The following MCF2L2 variants were observed in gnomAD, a reference collection of about 807,000 sequenced individuals.
MCF2L2 encodes the protein MCF.2 cell line derived transforming sequence-like 2.
In MCF2L2, 102 loss-of-function variants were observed where a neutral mutation model predicts 150.2. The observed-to-expected ratio is 0.68, with a 90% CI of 0.58 to 0.80. The LOEUF is 0.80. Ranked by LOEUF, MCF2L2 falls within the 30% of genes least tolerant of loss-of-function variation. The probability of loss-of-function intolerance (pLI) is 0.00; values close to 1 mark genes in which losing one functional copy is unlikely to be tolerated. For missense variants in MCF2L2, 1,256 were observed against 1,372.8 expected, an observed-to-expected ratio of 0.91 and a Z score of 1.34; for synonymous variants, 465 against 491.3, an observed-to-expected ratio of 0.95 and a Z score of 0.71.
At chr3:183,218,190 T>A (rs1723013404) in intron 21 of MCF2L2, among the ~76,000 whole-genome samples, 1 of 152,158 alleles carries the variant, frequency 6.6e-6, no homozygotes, top group Non-Finnish European at 1.5e-5. Flanking sequence ...GAGACATGAG[T>A]GACAGGGCTG....
At chr3:183,420,054 CA>C (rs1038509864) in intron 1 of MCF2L2, among the ~76,000 whole-genome samples, 63 of 152,162 alleles carry the variant, frequency 4.1e-4, no homozygotes, top group Non-Finnish European at 8.2e-4. Context: ...TCCTCATCTC[CA>C]TCTGAGACCA....
At chr3:183,262,493 G>A (rs1330734941) in intron 15 of MCF2L2, among the ~76,000 whole-genome samples, 1 of 151,984 alleles carries the variant, frequency 6.6e-6, no homozygotes, top group African/African-American at 2.4e-5. Context: ...ATATTATACT[G>A]ACTACGGAGT....
Position 183,267,106 on chromosome 3 carries a change from A to G in MCF2L2, c.1862+9766T>C, listed in dbSNP as rs1281492129. Among the ~76,000 whole-genome samples, 4 of 152,184 alleles carry G rather than the reference A, an allele frequency of 2.6e-5. No individual in the cohort carries two copies. The highest frequency in any genetic ancestry group is 9.6e-5 in the African/African-American group (4 of 41,454). ...CGGCCTTCAGCCTTTGTGATATTAA[A>G]GCACAGCAACACATTTCCCATTACA... On this transcript the variant is annotated intron_variant, in intron 15 of 29. Coordinates refer to ENST00000328913, the MANE Select transcript of MCF2L2 (RefSeq NM_015078.4). The surrounding 1 kb of genome is among the most constrained non-coding windows in gnomAD (Gnocchi z 5.5).
chr3:183,207,466 A>G (rs1193906700), intron 23 of MCF2L2, 142 bp downstream of exon 23: 2 of 655,788 alleles, frequency 3.0e-6, no homozygotes, highest in Non-Finnish European at 5.3e-6. Flanking sequence ...AGACCCGGCT[A>G]TGGATTCTAG....
chr3:183,396,728 CAATAAT>C (rs547435658), intron 1 of MCF2L2, among the ~76,000 whole-genome samples: 7 of 151,830 alleles, frequency 4.6e-5, no homozygotes, highest in Non-Finnish European at 7.4e-5. Flanking sequence ...GTGGACAAAA[CAATAAT>C]AATAATTATT....
intron 1 of MCF2L2, among the ~76,000 whole-genome samples, chr3:183,424,957 T>C (rs1716083757): frequency 1.3e-5 from 2 of 152,132 alleles, no homozygotes; most frequent in Non-Finnish European, 1.5e-5. Context: ...TAGAACTTTA[T>C]AGGCCAAACA....
At chr3:183,211,486 G>A (rs73886281) in intron 22 of MCF2L2, among the ~76,000 whole-genome samples, 4,134 of 152,260 alleles carry the variant, frequency 0.027, 194 homozygotes, top group African/African-American at 0.093. Context: ...CCCAAGGTCC[G>A]ATCTCCAGCG....
intron 15 of MCF2L2, among the ~76,000 whole-genome samples, chr3:183,242,880 C>G (rs929017448): frequency 6.6e-6 from 1 of 152,250 alleles, no homozygotes; most frequent in East Asian, 1.9e-4. Flanking sequence ...TGCAAAGCCA[C>G]AGGGGCAGAG....
intron 14 of MCF2L2, among the ~76,000 whole-genome samples, chr3:183,285,850 T>C (rs1727760696): frequency 6.6e-6 from 1 of 152,206 alleles, no homozygotes; most frequent in Non-Finnish European, 1.5e-5. Context: ...GAAAAAGAAA[T>C]TGTCAGCCTC....
intron 16 of MCF2L2, 116 bp downstream of exon 16, chr3:183,230,835 C>T: frequency 4.2e-6 from 3 of 721,940 alleles, no homozygotes; most frequent in South Asian, 3.6e-5. Context: ...ATTCTAAGAC[C>T]TGAAACCTTG....
At chr3:183,217,861 T>A (rs1560348383) in intron 21 of MCF2L2, among the ~76,000 whole-genome samples, 1 of 152,176 alleles carries the variant, frequency 6.6e-6, no homozygotes, top group Non-Finnish European at 1.5e-5. Flanking sequence ...AATGTTCCAA[T>A]TACAACCACA....
chr3:183,179,591 G>A lies in MCF2L2; in HGVS notation c.3207C>T (p.Arg1069=). The A allele has an allele frequency of 6.2e-7, 1 of 1,614,042 alleles. No individual in the cohort carries two copies. The highest frequency in any genetic ancestry group is 8.5e-7 in the Non-Finnish European group (1 of 1,179,950). ...GESSQGEKEE[R]DEEETATRST... is the part of the protein sequence containing the mutation. ...CTCACACTCACGTTTCCTCCTCATC[G>A]CGTTCTTCTTTTTCTCCCTGGCTGC... Residue 1069 remains arginine (R), a synonymous_variant, in exon 29 of 30, where the codon CGC becomes CGT. Transcript: ENST00000328913. The surrounding 1 kb of genome is among the most constrained non-coding windows in gnomAD (Gnocchi z 4.2).
chr3:183,272,502 T>C (rs1726863553), intron 15 of MCF2L2: 1 of 996,202 alleles, frequency 1.0e-6, no homozygotes, highest in Admixed American at 6.1e-5. Flanking sequence ...GGTAGCTTTT[T>C]AATGTTTACA....
At chr3:183,361,887 G>C (rs1038372924) in intron 3 of MCF2L2, among the ~76,000 whole-genome samples, 2 of 152,208 alleles carry the variant, frequency 1.3e-5, no homozygotes, top group Non-Finnish European at 2.9e-5. Flanking sequence ...ATGGGTGGCT[G>C]AGAGAGTGAC....
chr3:183,340,967 A>C (rs770122881), intron 4 of MCF2L2, among the ~76,000 whole-genome samples: 5 of 152,228 alleles, frequency 3.3e-5, no homozygotes, highest in South Asian at 2.1e-4. Flanking sequence ...TACTGAAATA[A>C]TAAATACTGT....
intron 1 of MCF2L2, among the ~76,000 whole-genome samples, chr3:183,402,763 T>C (rs1714837458): frequency 6.6e-6 from 1 of 151,524 alleles, no homozygotes; most frequent in South Asian, 2.1e-4. Context: ...GATTATAAAT[T>C]CAAAAATAAC....
intron 3 of MCF2L2, among the ~76,000 whole-genome samples, chr3:183,360,997 A>G: frequency 1.4e-5 from 2 of 138,948 alleles, no homozygotes; most frequent in African/African-American, 6.6e-5. Flanking sequence ...AGAAAAGAAA[A>G]GAAAAGAAAA....
chr3:183,347,542 A>G (rs1730949641), intron 3 of MCF2L2, among the ~76,000 whole-genome samples: 1 of 152,264 alleles, frequency 6.6e-6, no homozygotes, highest in Non-Finnish European at 1.5e-5. Flanking sequence ...CACAAAAGCC[A>G]AAATTGACAA....
chr3:183,303,505 G>A (rs529959958), intron 10 of MCF2L2, among the ~76,000 whole-genome samples: 2 of 152,272 alleles, frequency 1.3e-5, no homozygotes, highest in East Asian at 1.9e-4. Flanking sequence ...AACTCCAGGT[G>A]CGTACATCTT....
Sources: gnomAD v4.1 joint callset for allele counts (sites outside exome capture counted in the v4.1 genomes callset) on GRCh38, gnomAD v4.1.1 for gene constraint, Gnocchi (gnomAD v3.1) non-coding constraint, MANE v1.5 for transcripts, NCBI Gene and HGNC (gene_info 2026-07-23, HGNC 2026-07-21) for gene names.